The following NFILZ variants were observed in gnomAD, a reference collection of about 807,000 sequenced individuals.
The protein encoded by NFILZ is NFIL3 like basic leucine zipper.
intron 3 of NFILZ, among the ~76,000 whole-genome samples, chr19:8,640,433 C>T (rs145614222): frequency 2.0e-5 from 3 of 150,650 alleles, no homozygotes; most frequent in Non-Finnish European, 4.4e-5. Context: ...CAGCATAGAG[C>T]GTGATGACCG....
At position 8,680,195 on chromosome 19, in the gene NFILZ, GAAA is replaced by G. The variant is rs782398185; in HGVS notation, c.*2577_*2579del. Among the ~76,000 whole-genome samples the G allele has an allele frequency of 1.7e-5, 1 of 58,260 alleles. No individual in the cohort carries two copies. The highest frequency in any genetic ancestry group is 2.7e-5 in the Non-Finnish European group (1 of 36,600). 38.2% of individuals were successfully genotyped at this position (58,260 alleles called of 152,430 possible). ...TGGGCGACAGAGCGAGACTCCATCT[GAAA>G]AAAAAAAAAAAAAAAAGGAAAAAGA... On this transcript the variant is annotated 3_prime_UTR_variant, in exon 6 of 6. Coordinates refer to ENST00000691075, the MANE Select transcript of NFILZ (RefSeq NM_001378600.1).
At chr19:8,650,511 G>A (rs1421106512) in intron 3 of NFILZ, among the ~76,000 whole-genome samples, 3 of 151,798 alleles carry the variant, frequency 2.0e-5, no homozygotes, top group Non-Finnish European at 4.4e-5. Flanking sequence ...AAAATTAGCC[G>A]GGCGTGGTGG....
At chr19:8,660,569 TCCCC>T (rs1277485238) in intron 3 of NFILZ, among the ~76,000 whole-genome samples, 4 of 121,244 alleles carry the variant, frequency 3.3e-5, no homozygotes, top group African/African-American at 1.4e-4. Flanking sequence ...CCTTCCTTCC[TCCCC>T]TCCCTCCCTC....
chr19:8,665,514 T>G (rs547745197), intron 3 of NFILZ, among the ~76,000 whole-genome samples: 49 of 152,126 alleles, frequency 3.2e-4, no homozygotes, highest in Admixed American at 6.6e-4. Flanking sequence ...TTCTTAAACA[T>G]TTTTTTAAGA....
At chr19:8,657,424 G>A (rs370971128) in intron 3 of NFILZ, among the ~76,000 whole-genome samples, 58 of 152,160 alleles carry the variant, frequency 3.8e-4, no homozygotes, top group African/African-American at 1.3e-3. Context: ...TTGTCTGCAG[G>A]GGGTCGTTGG....
chr19:8,666,219 C>T (rs1357841769), intron 3 of NFILZ, among the ~76,000 whole-genome samples: 1 of 151,996 alleles, frequency 6.6e-6, no homozygotes, highest in Non-Finnish European at 1.5e-5. Flanking sequence ...TGAGTATCTT[C>T]TTCTTCTTCT....
At chr19:8,638,046 C>G (rs1380154832) in intron 3 of NFILZ, among the ~76,000 whole-genome samples, 2 of 151,970 alleles carry the variant, frequency 1.3e-5, no homozygotes, top group African/African-American at 4.8e-5. Flanking sequence ...CCAGCATGAC[C>G]TTGCCAGGCC....
chr19:8,649,379 C>T (rs1244222659), intron 3 of NFILZ, among the ~76,000 whole-genome samples: 2 of 152,110 alleles, frequency 1.3e-5, no homozygotes, highest in Non-Finnish European at 2.9e-5. Flanking sequence ...GATTCTTCTA[C>T]CTCAGCCTCC....
At chr19:8,657,585 C>T (rs567360677) in intron 3 of NFILZ, among the ~76,000 whole-genome samples, 1 of 152,094 alleles carries the variant, frequency 6.6e-6, no homozygotes, top group Non-Finnish European at 1.5e-5. Flanking sequence ...GGAGTCTGAT[C>T]GCTGTGTGTG....
At chr19:8,668,287 T>TGTCTTGTTATTTTTTTC (rs375170236) in intron 3 of NFILZ, among the ~76,000 whole-genome samples, 34,695 of 151,762 alleles carry the variant, frequency 0.23, 4,257 homozygotes, top group East Asian at 0.52. Flanking sequence ...TTATTTTTAT[T>TGTCTTGTTATTTTTTTC]GTTGTCTTGT....
intron 3 of NFILZ, among the ~76,000 whole-genome samples, chr19:8,672,317 G>A (rs1265753748): frequency 2.0e-5 from 3 of 150,800 alleles, no homozygotes; most frequent in African/African-American, 4.9e-5. Flanking sequence ...AAAAATCCAT[G>A]CACTTATTTG....
intron 3 of NFILZ, among the ~76,000 whole-genome samples, chr19:8,654,632 A>G (rs182246462): frequency 1.4e-3 from 212 of 152,314 alleles, no homozygotes; most frequent in African/African-American, 4.8e-3. Flanking sequence ...AATATTTATT[A>G]AAAAATAGAA....
intron 3 of NFILZ, among the ~76,000 whole-genome samples, chr19:8,656,690 G>A (rs1317895347): frequency 1.3e-5 from 2 of 152,220 alleles, no homozygotes; most frequent in African/African-American, 2.4e-5. Flanking sequence ...CCTGTGCTAG[G>A]TGAATGGAAG....
At chr19:8,634,719 C>T (rs1030710570) in intron 2 of NFILZ, among the ~76,000 whole-genome samples, 3 of 151,532 alleles carry the variant, frequency 2.0e-5, no homozygotes, top group Admixed American at 6.6e-5. Context: ...CTACAAAAAA[C>T]AAAACAGAAA....
In NFILZ at chr19:8,660,544, T is replaced by C. The variant is rs1427433623; in HGVS notation, c.-163-14007T>C. Among the ~76,000 whole-genome samples the C allele has an allele frequency of 2.1e-4, 32 of 151,182 alleles. 1 individual carries two copies. The highest frequency in any genetic ancestry group is 7.8e-4 in the African/African-American group (32 of 41,078). On this transcript the variant is annotated intron_variant, in intron 3 of 5. Coordinates refer to ENST00000691075, the MANE Select transcript of NFILZ (RefSeq NM_001378600.1). ...CATATCACATTTCCTTCCTTCCTTC[T>C]TTCCTTCTCTCCTTCCTTCCTTCCT...
intron 3 of NFILZ, among the ~76,000 whole-genome samples, chr19:8,650,952 T>C (rs1332675163): frequency 5.9e-5 from 9 of 151,982 alleles, no homozygotes; most frequent in Admixed American, 4.6e-4. Flanking sequence ...CATAAGCGGA[T>C]TTAATTATCC....
At chr19:8,659,117 T>C (rs10415539) in intron 3 of NFILZ, among the ~76,000 whole-genome samples, 12,612 of 151,748 alleles carry the variant, frequency 0.083, 753 homozygotes, top group African/African-American at 0.17. Context: ...TGTAGTGGTG[T>C]GTGCCTGTGA....
intron 3 of NFILZ, among the ~76,000 whole-genome samples, chr19:8,662,682 T>A (rs59145526): frequency 0.95 from 142,662 of 149,410 alleles, 68,326 homozygotes; most frequent in Non-Finnish European, 1. Context: ...CTGTTGCCAG[T>A]CTGGTGTGCA....
In NFILZ at chr19:8,648,158, C is replaced by G. The variant is rs367882501; in HGVS notation, c.-164+12412C>G. On this transcript the variant is annotated intron_variant, in intron 3 of 5. Coordinates refer to ENST00000691075, the MANE Select transcript of NFILZ (RefSeq NM_001378600.1). ...CACTGTACTCCAACCTGGGCATGAG[C>G]GAGACTCCGTCTCAAAAAAAAAAAA... 4.8e-4 allele frequency among the ~76,000 whole-genome samples: 54 copies of G among 112,486 alleles called. No individual in the cohort carries two copies. The East Asian group carries it at 0.013, about 27-fold the overall frequency. The allele number at this position is 112,486 out of a possible 152,430, so 73.8% of individuals were successfully genotyped here.
Sources: gnomAD v4.1 joint callset for allele counts (sites outside exome capture counted in the v4.1 genomes callset) on GRCh38, gnomAD v4.1.1 for gene constraint, MANE v1.5 for transcripts, NCBI Gene and HGNC (gene_info 2026-07-23, HGNC 2026-07-21) for gene names.